The following PRKN variants were observed in gnomAD, a reference collection of about 807,000 sequenced individuals.
PRKN encodes the protein parkin RBR E3 ubiquitin protein ligase.
In PRKN, 56 loss-of-function variants were observed where a neutral mutation model predicts 59.5. That is an observed-to-expected ratio of 0.94 (90% CI 0.76 to 1.18). The LOEUF (loss-of-function observed/expected upper bound fraction) is 1.18. PRKN is among the 50% of genes most tolerant of loss of function. PRKN has a pLI of 0.00. For missense variants in PRKN, 657 were observed against 596.4 expected, an observed-to-expected ratio of 1.10 and a Z score of -1.06; for synonymous variants, 250 against 222.1, an observed-to-expected ratio of 1.13 and a Z score of -1.12.
chr6:161,641,600 G>T (rs73782959), intron 7 of PRKN, among the ~76,000 whole-genome samples: 5,152 of 152,292 alleles, frequency 0.034, 167 homozygotes, highest in African/African-American at 0.084. Flanking sequence ...AGCCAGATCT[G>T]TGTGAATGAA....
At position 161,545,183 on chromosome 6, in the gene PRKN, A is replaced by T; in HGVS notation, c.1083+3671T>A. On this transcript the variant is annotated intron_variant, in intron 9 of 11. Coordinates refer to ENST00000366898, the MANE Select transcript of PRKN (RefSeq NM_004562.3). This position sits in a 1 kb window ranked among gnomAD's most constrained non-coding sequence, Gnocchi z 4.1. ...ACATTTCTTGCATACCCACATGGTAAGAGTTGTACTTTTTCTATCTTGATA... is the reference window on the plus strand; with the variant it reads ...ACATTTCTTGCATACCCACATGGTATGAGTTGTACTTTTTCTATCTTGATA... 7.4e-7 allele frequency: 1 copy of T among 1,350,804 alleles called. No homozygotes were observed. The highest frequency in any genetic ancestry group is 9.5e-7 in the Non-Finnish European group (1 of 1,053,836). 83.7% of individuals were successfully genotyped at this position (1,350,804 alleles called of 1,614,324 possible). A position where few individuals can be genotyped will look rare whatever the true frequency, so the allele number is the denominator to read the frequency against.
At position 162,230,446 on chromosome 6, in the gene PRKN, G is replaced by A. The variant is rs112640772; in HGVS notation, c.413-29194C>T. 1.4e-3 allele frequency among the ~76,000 whole-genome samples: 206 copies of A among 152,306 alleles called. 7 individuals are homozygous for A. The highest frequency in any genetic ancestry group is 4.7e-3 in the African/African-American group (197 of 41,570). On this transcript the variant is annotated intron_variant, in intron 3 of 11. Transcript: ENST00000366898. Reference sequence around the variant, plus strand: ...GGGCTTGAAGTCTGGGAGGATCCAGGGGAAGAGTGAAGAGGAAGGCACTCA... The same window carrying A: ...GGGCTTGAAGTCTGGGAGGATCCAGAGGAAGAGTGAAGAGGAAGGCACTCA...
Position 161,935,010 on chromosome 6 carries a change from T to C in PRKN, c.734+38292A>G, listed in dbSNP as rs370116623. Reference sequence around the variant, plus strand: ...GAGTTGCACAGGAAGAATTTTCAGATCTGAAGAAACACTAGCCTCCTCTAG... The same window carrying C: ...GAGTTGCACAGGAAGAATTTTCAGACCTGAAGAAACACTAGCCTCCTCTAG... On this transcript the variant is annotated intron_variant, in intron 6 of 11. Transcript: ENST00000366898. Among the ~76,000 whole-genome samples, 13 of 152,164 alleles carry C rather than the reference T, an allele frequency of 8.5e-5. No homozygotes were observed. The East Asian group carries it at 9.6e-4, about 11-fold the overall frequency.
rs149568573 is a variant in PRKN, at chr6:162,263,915, A to G, written c.172-1150T>C. On this transcript the variant is annotated intron_variant, in intron 2 of 11. Transcript: ENST00000366898. ...CCCCAACCAAAAAATAATATCTACTACATAGAAGCAGTTACTCATATGCTT... is the reference window on the plus strand; with the variant it reads ...CCCCAACCAAAAAATAATATCTACTGCATAGAAGCAGTTACTCATATGCTT... 2.7e-3 allele frequency among the ~76,000 whole-genome samples: 407 copies of G among 149,864 alleles called. 2 individuals carry two copies. Among genetic ancestry groups the G allele is most frequent in the African/African-American group, 9.4e-3 (382 of 40,526 alleles).
At chr6:162,114,717 T>C (rs1243566935) in intron 4 of PRKN, among the ~76,000 whole-genome samples, 3 of 149,090 alleles carry the variant, frequency 2.0e-5, no homozygotes, top group Admixed American at 2.0e-4. Flanking sequence ...AAGAAGACAT[T>C]TATGCAGCCA....
intron 2 of PRKN, among the ~76,000 whole-genome samples, chr6:162,338,244 G>GT (rs2128126927): frequency 6.6e-6 from 1 of 151,618 alleles, no homozygotes; most frequent in African/African-American, 2.4e-5. Flanking sequence ...GAAAAAGAGT[G>GT]TTCTCTCCCT....
intron 4 of PRKN, among the ~76,000 whole-genome samples, chr6:162,153,780 C>T (rs1782379409): frequency 6.6e-6 from 1 of 152,124 alleles, no homozygotes; most frequent in Non-Finnish European, 1.5e-5. Context: ...CTCTCTATGA[C>T]ATTCAGCAGT....
chr6:161,569,259 C>G (rs1367001821), intron 8 of PRKN, 96 bp downstream of exon 8: 6 of 1,063,180 alleles, frequency 5.6e-6, no homozygotes, highest in Non-Finnish European at 8.8e-6. Context: ...CACCCAGGGT[C>G]AGGAGACATA....
chr6:161,777,805 T>C (rs1304731027), intron 7 of PRKN, among the ~76,000 whole-genome samples: 1 of 136,332 alleles, frequency 7.3e-6, no homozygotes, highest in African/African-American at 3.2e-5. Context: ...TATATGTATA[T>C]ATGTATATAT....
chr6:162,144,689 G>A (rs566212109), intron 4 of PRKN, among the ~76,000 whole-genome samples: 6 of 152,252 alleles, frequency 3.9e-5, no homozygotes, highest in South Asian at 2.1e-4. Flanking sequence ...AGGAACTTTT[G>A]GTAGTTCTAA....
chr6:162,252,621 C>T (rs1779481483), intron 3 of PRKN, among the ~76,000 whole-genome samples: 2 of 152,220 alleles, frequency 1.3e-5, no homozygotes, highest in Non-Finnish European at 2.9e-5. Context: ...AGCTGCTGTG[C>T]TCCCTCCACC....
intron 5 of PRKN, among the ~76,000 whole-genome samples, chr6:161,995,342 A>G (rs567235093): frequency 6.6e-6 from 1 of 152,328 alleles, no homozygotes; most frequent in African/African-American, 2.4e-5. Context: ...GAAAACATTC[A>G]GGACATTGGT....
At chr6:162,375,895 G>A (rs577538734) in intron 2 of PRKN, among the ~76,000 whole-genome samples, 1 of 151,916 alleles carries the variant, frequency 6.6e-6, no homozygotes, top group Admixed American at 6.6e-5. Flanking sequence ...TTCTTGTCTG[G>A]GACATCAGCT....
intron 2 of PRKN, among the ~76,000 whole-genome samples, chr6:162,314,257 T>C (rs112058051): frequency 6.6e-6 from 1 of 152,170 alleles, no homozygotes; most frequent in South Asian, 2.1e-4. Context: ...TAGTAAGTGA[T>C]AGAAATAGGA....
intron 7 of PRKN, among the ~76,000 whole-genome samples, chr6:161,745,221 A>G (rs1398031046): frequency 6.6e-6 from 1 of 152,222 alleles, no homozygotes; most frequent in Non-Finnish European, 1.5e-5. Context: ...ATAATAACAT[A>G]AAATAAAATA....
chr6:161,863,671 C>A (rs1443157851), intron 6 of PRKN, among the ~76,000 whole-genome samples: 1 of 152,146 alleles, frequency 6.6e-6, no homozygotes, highest in Non-Finnish European at 1.5e-5. Flanking sequence ...CTCTACACTT[C>A]CCGCCTCTAC....
At chr6:162,389,027 A>C (rs1043057224) in intron 2 of PRKN, among the ~76,000 whole-genome samples, 2 of 146,158 alleles carry the variant, frequency 1.4e-5, no homozygotes, top group South Asian at 2.2e-4. Flanking sequence ...AAAAAAAACA[A>C]AAAAACCTGA....
rs1479076414 is a variant in PRKN, at chr6:161,442,036, T to A, written c.1084-55159A>T. ...TTCACTTCAGAAGTTATAGAGACGA[T>A]GTAAGATGAAATACTGTTCAGTGGG... is the stretch of plus-strand genomic sequence containing the variant. On this transcript the variant is annotated intron_variant, in intron 9 of 11. Transcript: ENST00000366898. This position sits in a 1 kb window ranked among gnomAD's most constrained non-coding sequence, Gnocchi z 4.6. Among the ~76,000 whole-genome samples the A allele has an allele frequency of 2.6e-5, 4 of 152,236 alleles. No homozygotes were observed. The highest frequency in any genetic ancestry group is 4.8e-5 in the African/African-American group (2 of 41,468).
At chr6:162,309,167 A>G (rs1782360175) in intron 2 of PRKN, among the ~76,000 whole-genome samples, 2 of 151,960 alleles carry the variant, frequency 1.3e-5, no homozygotes, top group African/African-American at 4.8e-5. Context: ...AATCTCACAA[A>G]AACAAATCAC....
Sources: allele counts gnomAD v4.1 joint callset (sites outside exome capture counted in the v4.1 genomes callset), GRCh38; gene constraint gnomAD v4.1.1; non-coding constraint Gnocchi (gnomAD v3.1); transcripts MANE v1.5; gene names NCBI Gene and HGNC (gene_info 2026-07-23, HGNC 2026-07-21).